TMEM86B: variants seen among roughly 807,000 people sequenced by gnomAD.
The protein encoded by TMEM86B is transmembrane protein 86B.
A neutral mutation model predicts 12.3 loss-of-function variants in TMEM86B; 15 were observed. That is an observed-to-expected ratio of 1.22 (90% CI 0.81 to 1.87). The LOEUF is 1.87. Among genes scored for constraint, TMEM86B ranks in the 40% most tolerant of loss-of-function variants. TMEM86B has a pLI of 0.00. For missense variants in TMEM86B, 328 were observed against 297.4 expected, an observed-to-expected ratio of 1.10 and a Z score of -0.76; for synonymous variants, 173 against 140.3, an observed-to-expected ratio of 1.23 and a Z score of -1.65.
At position 55,228,301 on chromosome 19, in the gene TMEM86B, A is replaced by T. The variant is rs574958900; in HGVS notation, c.188T>A (p.Phe63Tyr). Reference protein sequence around the residue: ...KCLPVLCLAGFLWVMSPSGGY... With the variant: ...KCLPVLCLAGYLWVMSPSGGY... ...CCCGCTTGGGGACATGACCCACAGG[A>T]ACCCAGCCAGGCAGAGGACGGGCAG... Residue 63 changes from phenylalanine (F) to tyrosine (Y), a missense_variant, in exon 2 of 3, where the codon TTC becomes TAC. Phe to Tyr is a conservative substitution (Grantham distance 22). Coordinates refer to ENST00000327042, the MANE Select transcript of TMEM86B (RefSeq NM_173804.5). 2 of 1,613,756 alleles carry T rather than the reference A, an allele frequency of 1.2e-6. No individual in the cohort carries two copies. The highest frequency in any genetic ancestry group is 2.2e-5 in the South Asian group (2 of 91,052).
chr19:55,227,530 T>G lies in TMEM86B; in HGVS notation c.332A>C (p.Tyr111Ser). The G allele has an allele frequency of 6.5e-7, 1 of 1,542,158 alleles. No homozygotes were observed. Among genetic ancestry groups the G allele is most frequent in the Non-Finnish European group, 8.8e-7 (1 of 1,140,768 alleles). Residue 111 changes from tyrosine (Y) to serine (S), a missense_variant, in exon 3 of 3, where the codon TAC becomes TCC. Coordinates refer to ENST00000327042, the MANE Select transcript of TMEM86B (RefSeq NM_173804.5). ...MAAFATAHLL[Y>S]VWAFGFSPLQ... is the part of the protein sequence containing the mutation. The stretch of plus-strand genomic sequence containing the variant: ...GGGAGAGAAGCCGAAGGCCCAGACG[T>G]AGAGGAGGTGGGCGGTGGCAAAGGC...
At chr19:55,228,552 C>T in intron 1 of TMEM86B, 115 bp from the exon 2 acceptor site, 1 of 1,529,764 alleles carries the variant, frequency 6.5e-7, no homozygotes, top group Non-Finnish European at 8.8e-7. Context: ...ACAGGCTGGA[C>T]CCATTCAGGG....
At chr19:55,227,842 G>A (rs750675272) in intron 2 of TMEM86B, 5 of 587,022 alleles carry the variant, frequency 8.5e-6, no homozygotes, top group Middle Eastern at 4.5e-4. Flanking sequence ...CACCTGACAC[G>A]TCCCTGCCCC....
chr19:55,228,145 T>C, intron 2 of TMEM86B, 46 bp downstream of exon 2: 1 of 1,564,190 alleles, frequency 6.4e-7, no homozygotes, highest in Non-Finnish European at 8.6e-7. Flanking sequence ...TGCTGGGGCC[T>C]CTCTCACACG....
rs1798469653 is a variant in TMEM86B, at chr19:55,227,148, AGGGCCT to A, written c.*27_*32del. On this transcript the variant is annotated 3_prime_UTR_variant, in exon 3 of 3. Transcript: ENST00000327042. ...GAGGCCCAGGTCCTTGCAGGAGGAG[AGGGCCT>A]GAACACCGGCCCTTCAAGCTCCCTA... 1 of 1,429,776 alleles carries A rather than the reference AGGGCCT, an allele frequency of 7.0e-7. No individual in the cohort carries two copies. The highest frequency in any genetic ancestry group is 1.6e-5 in the South Asian group (1 of 63,502). 88.6% of individuals were successfully genotyped at this position (1,429,776 alleles called of 1,614,324 possible). A position where few individuals can be genotyped will look rare whatever the true frequency, so the allele number is the denominator to read the frequency against.
In TMEM86B at chr19:55,227,093, G is replaced by A; in HGVS notation, c.*88C>T. On this transcript the variant is annotated 3_prime_UTR_variant, in exon 3 of 3. Coordinates refer to ENST00000327042, the MANE Select transcript of TMEM86B (RefSeq NM_173804.5). ...ACAGGCGTCAGGAAGCTTCGCTGCT[G>A]AGGGTATTTCTCAGGCTGGGCTGGG... The A allele has an allele frequency of 7.5e-7, 1 of 1,333,688 alleles. No individual in the cohort carries two copies. The highest frequency in any genetic ancestry group is 9.7e-7 in the Non-Finnish European group (1 of 1,030,062). The allele number at this position is 1,333,688 out of a possible 1,614,324, so 82.6% of individuals were successfully genotyped here. A position where few individuals can be genotyped will look rare whatever the true frequency, so the allele number is the denominator to read the frequency against.
At position 55,227,028 on chromosome 19, in the gene TMEM86B, C is replaced by T. The variant is rs571171542; in HGVS notation, c.*153G>A. 1.6e-4 allele frequency: 136 copies of T among 876,638 alleles called. No homozygotes were observed. The African/African-American group carries it at 2.1e-3, about 13-fold the overall frequency. The allele number at this position is 876,638 out of a possible 1,614,324, so 54.3% of individuals were successfully genotyped here. A position where few individuals can be genotyped will look rare whatever the true frequency, so the allele number is the denominator to read the frequency against. On this transcript the variant is annotated 3_prime_UTR_variant, in exon 3 of 3. Coordinates refer to ENST00000327042, the MANE Select transcript of TMEM86B (RefSeq NM_173804.5). The stretch of plus-strand genomic sequence containing the variant: ...TGGAATTCCGCAAATCGTCCTCAAA[C>T]GTCTTCAGCCAGAAGCGACGGCGGC...
chr19:55,228,434 G>A lies in TMEM86B; in HGVS notation c.55C>T (p.Pro19Ser). The change falls in exon 2 of 3, where the codon CCA (proline) becomes TCA (serine). Residue 19 changes from proline (P) to serine (S), a missense_variant. Transcript: ENST00000327042. ...TLKTHCSAQR[P>S]DVCRWLSPFI... ...GGGCTCAGCCACCTGCAGACATCTG[G>A]GCGCTTTGGGGAGTGGGGAGCTACT... 1 of 1,611,368 alleles carries A rather than the reference G, an allele frequency of 6.2e-7. No homozygotes were observed. The highest frequency in any genetic ancestry group is 1.1e-5 in the South Asian group (1 of 91,074).
chr19:55,226,819 T>C lies in TMEM86B; in HGVS notation c.*362A>G. 1 of 221,364 alleles carries C rather than the reference T, an allele frequency of 4.5e-6. No individual in the cohort carries two copies. The highest frequency in any genetic ancestry group is 1.5e-3 in the Middle Eastern group (1 of 662). 13.7% of individuals were successfully genotyped at this position (221,364 alleles called of 1,614,324 possible). A position where few individuals can be genotyped will look rare whatever the true frequency, so the allele number is the denominator to read the frequency against. On this transcript the variant is annotated 3_prime_UTR_variant, in exon 3 of 3. Transcript: ENST00000327042. ...GGCCTCTCCTACGGTAACAGCAACA[T>C]CTACGGTTCCACACCCACAGGGAAA...
chr19:55,228,093 G>A (rs1182802718), intron 2 of TMEM86B, 98 bp downstream of exon 2: 17 of 1,474,198 alleles, frequency 1.2e-5, no homozygotes, highest in East Asian at 7.0e-5. Flanking sequence ...TTGACCACTG[G>A]AGCTCTCACA....
intron 2 of TMEM86B, 63 bp from the exon 3 acceptor site, chr19:55,227,626 C>A (rs889493684): frequency 2.7e-6 from 4 of 1,455,960 alleles, no homozygotes; most frequent in African/African-American, 2.8e-5. Context: ...CCCGAGGTCA[C>A]CCCTCAGGGC....
At chr19:55,227,628 C>A in intron 2 of TMEM86B, 65 bp from the exon 3 acceptor site, 1 of 1,457,386 alleles carries the variant, frequency 6.9e-7, no homozygotes, top group South Asian at 1.4e-5. Context: ...CGAGGTCACC[C>A]CTCAGGGCCT....
At chr19:55,227,622 G>T in intron 2 of TMEM86B, 59 bp from the exon 3 acceptor site, 1 of 1,470,446 alleles carries the variant, frequency 6.8e-7, no homozygotes, top group Non-Finnish European at 9.0e-7. Flanking sequence ...TGGCCCCGAG[G>T]TCACCCCTCA....
Position 55,228,313 on chromosome 19 carries a change from C to T in TMEM86B, c.176G>A (p.Cys59Tyr). 1.2e-6 allele frequency: 2 copies of T among 1,613,820 alleles called. No homozygotes were observed. The highest frequency in any genetic ancestry group is 1.3e-5 in the African/African-American group (1 of 75,038). ...CATGACCCACAGGAACCCAGCCAGG[C>T]AGAGGACGGGCAGGCACTTGACCAG... ...AALVKCLPVL[C>Y]LAGFLWVMSP... The change falls in exon 2 of 3, where the codon TGC becomes TAC. Residue 59 changes from cysteine to tyrosine, a missense_variant. By Grantham distance (194) the Cys-to-Tyr change is radical (BLOSUM62 -2). Transcript: ENST00000327042.
chr19:55,228,393 G>A lies in TMEM86B; in HGVS notation c.96C>T (p.Cys32=), dbSNP rs1322621017. The A allele has an allele frequency of 1.2e-6, 2 of 1,613,606 alleles. No homozygotes were observed. Among genetic ancestry groups the A allele is most frequent in the Non-Finnish European group, 1.7e-6 (2 of 1,180,026 alleles). The change falls in exon 2 of 3, where the codon TGC becomes TGT. Residue 32 remains cysteine, a synonymous_variant. Coordinates refer to ENST00000327042, the MANE Select transcript of TMEM86B (RefSeq NM_173804.5). ...GAATCCAGAGGCAGAAGTACACGCAGCAGGAGAGGATGAAGGGGCTCAGCC... is the reference window on the plus strand; with the variant it reads ...GAATCCAGAGGCAGAAGTACACGCAACAGGAGAGGATGAAGGGGCTCAGCC... ...CRWLSPFILS[C]CVYFCLWIPE...
intron 2 of TMEM86B, chr19:55,227,990 G>T: frequency 1.1e-6 from 1 of 921,298 alleles, no homozygotes. Context: ...ACTGCCCTCT[G>T]CGCCACCTCA....
At position 55,228,714 on chromosome 19, in the gene TMEM86B, G is replaced by A; in HGVS notation, c.28C>T (p.Leu10=). MDAGKAGQT[L]KTHCSAQRPD... is the part of the protein sequence containing the mutation. Reference sequence around the variant, plus strand: ...ACCTGGGCTGAGCAGTGAGTCTTCAGGGTCTGCCCCGCTTTGCCAGCGTCC... The same window carrying A: ...ACCTGGGCTGAGCAGTGAGTCTTCAAGGTCTGCCCCGCTTTGCCAGCGTCC... The change falls in exon 1 of 3, where the codon CTG becomes TTG. Residue 10 remains leucine, a synonymous_variant. Coordinates refer to ENST00000327042, the MANE Select transcript of TMEM86B (RefSeq NM_173804.5). The A allele has an allele frequency of 6.2e-7, 1 of 1,613,288 alleles. No individual in the cohort carries two copies.
intron 2 of TMEM86B, 178 bp from the exon 3 acceptor site, chr19:55,227,741 G>A (rs1173667222): frequency 4.5e-6 from 4 of 881,250 alleles, no homozygotes; most frequent in African/African-American, 3.4e-5. Flanking sequence ...GAACTGCCAG[G>A]AGGCCCCACC....
In TMEM86B at chr19:55,227,218, A is replaced by G; in HGVS notation, c.644T>C (p.Leu215Pro). 1 of 1,557,740 alleles carries G rather than the reference A, an allele frequency of 6.4e-7. No homozygotes were observed. The highest frequency in any genetic ancestry group is 8.7e-7 in the Non-Finnish European group (1 of 1,146,928). The part of the protein sequence containing the change: ...TYYAAQLLIT[L>P]SALRSPVPKT... ...GGGCACCGGGCTCCTGAGGGCTGAC[A>G]GTGTGATGAGGAGCTGGGCAGCATA... The change falls in exon 3 of 3, where the codon CTG (leucine) becomes CCG (proline). Residue 215 changes from leucine (L) to proline (P), a missense_variant. Leu to Pro is a moderately conservative substitution (Grantham distance 98, BLOSUM62 -3). Transcript: ENST00000327042.
Sources: gnomAD v4.1 joint callset for allele counts on GRCh38, gnomAD v4.1.1 for gene constraint, MANE v1.5 for transcripts, NCBI Gene and HGNC (gene_info 2026-07-23, HGNC 2026-07-21) for gene names.